The following NT5DC4 variants were observed in gnomAD, a reference collection of about 807,000 sequenced individuals.
NT5DC4 encodes 5'-nucleotidase domain containing 4, also known as 5'-nucleotidase domain-containing protein 4.
Under a neutral mutation model 26.6 loss-of-function variants are expected in NT5DC4, and 44 were observed. The observed-to-expected ratio is 1.65, with a 90% CI of 1.30 to 2.13. The LOEUF is 2.13. NT5DC4 is among the 30% of genes most tolerant of loss of function. The pLI, the probability that NT5DC4 is intolerant of heterozygous loss-of-function variation, is 0.00. For missense variants in NT5DC4, 399 were observed against 228.1 expected, an observed-to-expected ratio of 1.75 and a Z score of -4.83; for synonymous variants, 157 against 86.7, an observed-to-expected ratio of 1.81 and a Z score of -4.51.
chr2:112,725,657 A>G (rs1452781515), intron 13 of NT5DC4, 105 bp downstream of exon 13: 199 of 571,762 alleles, frequency 3.5e-4, no homozygotes, highest in Non-Finnish European at 8.6e-5. Context: ...AGTTGTGACC[A>G]GGAATCCTGG....
At chr2:112,728,682 T>C (rs1558736059) in intron 15 of NT5DC4, among the ~76,000 whole-genome samples, 1 of 152,218 alleles carries the variant, frequency 6.6e-6, no homozygotes, top group East Asian at 1.9e-4. Flanking sequence ...TCTGCTGTGT[T>C]TCCTGCACTG....
chr2:112,722,867 G>C, intron 6 of NT5DC4, 96 bp downstream of exon 6: 1 of 710,116 alleles, frequency 1.4e-6, no homozygotes. Context: ...TCCCCAAGAG[G>C]CTGGAAGGGC....
chr2:112,720,693 T>G (rs755646539), upstream of NT5DC4, among the ~76,000 whole-genome samples: 5 of 151,990 alleles, frequency 3.3e-5, no homozygotes, highest in Non-Finnish European at 7.4e-5. Flanking sequence ...AAAGCAAGAG[T>G]ACTGAGTTAT....
At position 112,721,643 on chromosome 2, in the gene NT5DC4, G is replaced by A. The variant is rs368038975; in HGVS notation, c.75-175G>A. The A allele has an allele frequency of 4.7e-4, 336 of 716,808 alleles. 4 individuals are homozygous for A. The South Asian group carries it at 4.8e-3, about 10-fold the overall frequency. 44.4% of individuals were successfully genotyped at this position (716,808 alleles called of 1,614,324 possible). On this transcript the variant is annotated intron_variant, in intron 1 of 16. Transcript: ENST00000688554. ...ACATGCACACTCACACTTGCCTTCA[G>A]ACACACATGGGTCCAGGCAGGGCCC...
chr2:112,727,681 G>C (rs1232872367), intron 15 of NT5DC4, among the ~76,000 whole-genome samples: 1 of 152,216 alleles, frequency 6.6e-6, no homozygotes, highest in Non-Finnish European at 1.5e-5. Flanking sequence ...GAGAGTCACA[G>C]GTTTCAATGT....
At chr2:112,723,685 C>T in intron 8 of NT5DC4, 34 bp from the exon 9 acceptor site, 1 of 713,802 alleles carries the variant, frequency 1.4e-6, no homozygotes, top group East Asian at 2.7e-5. Flanking sequence ...CTCTGGGAGT[C>T]CCACCCCTGC....
chr2:112,727,448 G>C (rs949779403), intron 15 of NT5DC4, among the ~76,000 whole-genome samples: 1 of 152,234 alleles, frequency 6.6e-6, no homozygotes, highest in South Asian at 2.1e-4. Flanking sequence ...GGGCCTGCCA[G>C]GATAGTAGGA....
intron 6 of NT5DC4, 64 bp downstream of exon 6, chr2:112,722,835 C>T: frequency 8.1e-6 from 5 of 620,744 alleles, no homozygotes; most frequent in Middle Eastern, 2.6e-4. Flanking sequence ...GACCAAACCC[C>T]AAAGAGGGGC....
chr2:112,736,170 G>A (rs1046248106), intron 16 of NT5DC4, among the ~76,000 whole-genome samples: 1 of 152,076 alleles, frequency 6.6e-6, no homozygotes, highest in African/African-American at 2.4e-5. Flanking sequence ...GACGGGCTTA[G>A]GACAGTGTCT....
At chr2:112,729,413 C>T (rs550503439) in intron 15 of NT5DC4, among the ~76,000 whole-genome samples, 5 of 152,358 alleles carry the variant, frequency 3.3e-5, no homozygotes, top group South Asian at 2.1e-4. Flanking sequence ...TGAGCCACCG[C>T]GCCTGGCCTT....
intron 16 of NT5DC4, among the ~76,000 whole-genome samples, chr2:112,734,005 C>T (rs1300274299): frequency 6.6e-6 from 1 of 152,060 alleles, no homozygotes; most frequent in Non-Finnish European, 1.5e-5. Flanking sequence ...AGTTCTGAAC[C>T]TGGAGCCAGA....
At chr2:112,720,584 T>C (rs1676786391), upstream of NT5DC4, among the ~76,000 whole-genome samples, 4 of 152,220 alleles carry the variant, frequency 2.6e-5, 1 homozygote, top group South Asian at 8.3e-4. Context: ...CCCAGTTATC[T>C]TCCCAATTCT....
chr2:112,725,310 T>C, intron 12 of NT5DC4, 70 bp downstream of exon 12: 1 of 691,756 alleles, frequency 1.4e-6, no homozygotes, highest in Non-Finnish European at 2.7e-6. Context: ...CCCAGGCCCC[T>C]CACCTGCCCC....
In NT5DC4 at chr2:112,722,775, C is replaced by A. The variant is rs558609058; in HGVS notation, c.527+4C>A. Reference sequence around the variant, plus strand: ...CTGGCTGCTCCCGTTACACTAAGTGCGTCTTGTGCCCTGCCCAGCCCTGGG... The same window carrying A: ...CTGGCTGCTCCCGTTACACTAAGTGAGTCTTGTGCCCTGCCCAGCCCTGGG... On this transcript the variant is annotated splice_donor_region_variant and intron_variant, in intron 6 of 16. Transcript: ENST00000688554. The A allele has an allele frequency of 4.6e-5, 33 of 717,464 alleles. No individual in the cohort carries two copies. Among genetic ancestry groups the A allele is most frequent in the Non-Finnish European group, 1.8e-5 (7 of 385,110 alleles). The allele number at this position is 717,464 out of a possible 1,614,324, so 44.4% of individuals were successfully genotyped here. A position where few individuals can be genotyped will look rare whatever the true frequency, so the allele number is the denominator to read the frequency against.
chr2:112,740,563 C>T (rs1679854989), downstream of NT5DC4, among the ~76,000 whole-genome samples: 1 of 152,194 alleles, frequency 6.6e-6, no homozygotes, highest in Admixed American at 6.5e-5. Flanking sequence ...CCCATCTTAT[C>T]ACCCCAACCA....
chr2:112,723,686 C>T, intron 8 of NT5DC4, 33 bp from the exon 9 acceptor site: 1 of 714,080 alleles, frequency 1.4e-6, no homozygotes, highest in Non-Finnish European at 2.6e-6. Context: ...TCTGGGAGTC[C>T]CACCCCTGCA....
rs757057961 is a variant in NT5DC4 at position 112,738,971 on chromosome 2, A to T, written c.*35A>T. 6.2e-7 allele frequency: 1 copy of T among 1,614,210 alleles called. No individual in the cohort carries two copies. The highest frequency in any genetic ancestry group is 8.5e-7 in the Non-Finnish European group (1 of 1,180,028). On this transcript the variant is annotated 3_prime_UTR_variant, in exon 17 of 17. Transcript: ENST00000688554. ...CTGCAGCATTTCTGGGTAGCGGGACACTGCTCGCTCAATCCTCGACGAACG... is the reference window on the plus strand; with the variant it reads ...CTGCAGCATTTCTGGGTAGCGGGACTCTGCTCGCTCAATCCTCGACGAACG...
chr2:112,728,930 C>G (rs982763104), intron 15 of NT5DC4, among the ~76,000 whole-genome samples: 3 of 152,186 alleles, frequency 2.0e-5, no homozygotes, highest in Admixed American at 1.3e-4. Context: ...GCGGCCTCAT[C>G]TCATCTCTGG....
intron 10 of NT5DC4, 91 bp from the exon 11 acceptor site, chr2:112,724,690 G>A: frequency 1.5e-6 from 1 of 682,558 alleles, no homozygotes; most frequent in Non-Finnish European, 2.7e-6. Context: ...TGGGAGGTTG[G>A]TGGGGAGAGG....
Sources: gnomAD v4.1 joint callset for allele counts (sites outside exome capture counted in the v4.1 genomes callset) on GRCh38, gnomAD v4.1.1 for gene constraint, MANE v1.5 for transcripts, NCBI Gene and HGNC (gene_info 2026-07-23, HGNC 2026-07-21) for gene names.